Variants in RBFOX1 observed in about 807,000 individuals in gnomAD.
RBFOX1 encodes RNA binding fox-1 homolog 1.
In RBFOX1, 8 loss-of-function variants were observed where a neutral mutation model predicts 57.7. The ratio of observed to expected loss-of-function variants is 0.14; its 90% CI spans 0.08 to 0.25. The LOEUF is 0.25. RBFOX1 is among the 10% of genes least tolerant of loss of function. The pLI is 1.00. For synonymous variants in RBFOX1, 326 were observed against 222.4 expected (o/e 1.47, Z -4.15); for missense variants, 611 against 548.5 (o/e 1.11, Z -1.14).
intron 3 of RBFOX1, among the ~76,000 whole-genome samples, chr16:6,835,447 C>T (rs554017009): frequency 4.6e-5 from 7 of 152,138 alleles, no homozygotes; most frequent in African/African-American, 1.7e-4. Context: ...AGTGCCTTAA[C>T]ACAATTTAAG....
chr16:6,695,445 AAGGGAAAG>A lies in RBFOX1; in HGVS notation c.-16+40796_-16+40803del, dbSNP rs1486228709. On this transcript the variant is annotated intron_variant, in intron 3 of 15. Coordinates refer to ENST00000550418, the MANE Select transcript of RBFOX1 (RefSeq NM_018723.4). Reference sequence around the variant, plus strand: ...AAAAAAAAAAAAAAAAAAGGAAAGGAAGGGAAAGGAAAGGAAAAGAAAATGACATAATT... The same window carrying A: ...AAAAAAAAAAAAAAAAAAGGAAAGGAGAAAGGAAAAGAAAATGACATAATT... 5.1e-4 allele frequency among the ~76,000 whole-genome samples: 35 copies of A among 68,794 alleles called. 1 individual carries two copies. The highest frequency in any genetic ancestry group is 7.7e-4 in the Non-Finnish European group (22 of 28,576). 45.1% of individuals were successfully genotyped at this position (68,794 alleles called of 152,430 possible). A position where few individuals can be genotyped will look rare whatever the true frequency, so the allele number is the denominator to read the frequency against.
At chr16:6,885,973 C>A (rs2063923879) in intron 3 of RBFOX1, among the ~76,000 whole-genome samples, 1 of 152,080 alleles carries the variant, frequency 6.6e-6, no homozygotes, top group African/African-American at 2.4e-5. Flanking sequence ...TCAAGAATCA[C>A]AAACCACATG....
chr16:6,965,722 CAA>C (rs2083991720), intron 3 of RBFOX1, among the ~76,000 whole-genome samples: 3 of 152,152 alleles, frequency 2.0e-5, no homozygotes, highest in Non-Finnish European at 4.4e-5. Flanking sequence ...TGATTGGCTC[CAA>C]ATGGGAATGA....
At chr16:6,841,905 G>T (rs954676637) in intron 3 of RBFOX1, among the ~76,000 whole-genome samples, 1 of 151,956 alleles carries the variant, frequency 6.6e-6, no homozygotes, top group Non-Finnish European at 1.5e-5. Flanking sequence ...TTGGGAGGTC[G>T]AGGCGGGTGG....
At chr16:5,511,474 A>C (rs1351167915) in intron 2 of RBFOX1, among the ~76,000 whole-genome samples, 2 of 152,244 alleles carry the variant, frequency 1.3e-5, no homozygotes, top group East Asian at 3.9e-4. Flanking sequence ...GCTATTGTTT[A>C]TTCAACACCA....
intron 3 of RBFOX1, among the ~76,000 whole-genome samples, chr16:5,608,732 A>G (rs988277731): frequency 6.6e-6 from 1 of 152,184 alleles, no homozygotes; most frequent in African/African-American, 2.4e-5. Context: ...TGTGAGATAC[A>G]CTGCTTAACT....
intron 1 of RBFOX1, among the ~76,000 whole-genome samples, chr16:5,307,506 C>A (rs1469563072): frequency 3.9e-5 from 6 of 152,268 alleles, no homozygotes; most frequent in Middle Eastern, 6.8e-3. Context: ...CCTTATGCCA[C>A]TATTTTCTGA....
chr16:5,501,451 G>A (rs544799758), intron 2 of RBFOX1, among the ~76,000 whole-genome samples: 1 of 152,262 alleles, frequency 6.6e-6, no homozygotes, highest in South Asian at 2.1e-4. Flanking sequence ...CTAGTGGAAG[G>A]GTTGGTGAGG....
At chr16:6,337,318 C>T (rs2083903107) in intron 2 of RBFOX1, among the ~76,000 whole-genome samples, 1 of 152,072 alleles carries the variant, frequency 6.6e-6, no homozygotes, top group Non-Finnish European at 1.5e-5. Flanking sequence ...TTGTGCCGTC[C>T]CAACAGGGAT....
chr16:5,977,163 T>G (rs2060080689), intron 4 of RBFOX1, among the ~76,000 whole-genome samples: 1 of 152,282 alleles, frequency 6.6e-6, no homozygotes, highest in South Asian at 2.1e-4. Context: ...CCCATCTCTG[T>G]AGCTATATTG....
intron 1 of RBFOX1, among the ~76,000 whole-genome samples, chr16:6,071,281 A>G (rs1469905931): frequency 6.6e-6 from 1 of 152,164 alleles, no homozygotes; most frequent in Non-Finnish European, 1.5e-5. Flanking sequence ...AGATTGCACC[A>G]TTGCACTCCA....
At chr16:7,693,891 C>CTATT (rs2077982261) in intron 14 of RBFOX1, among the ~76,000 whole-genome samples, 1 of 152,306 alleles carries the variant, frequency 6.6e-6, no homozygotes, top group East Asian at 1.9e-4. Context: ...CAAAGATCCT[C>CTATT]TATTTCCTTT....
chr16:7,410,501 G>C (rs2098413155), intron 4 of RBFOX1, among the ~76,000 whole-genome samples: 2 of 152,170 alleles, frequency 1.3e-5, no homozygotes, highest in South Asian at 4.1e-4. Flanking sequence ...GACCAACATG[G>C]AGAAACCCGG....
chr16:7,356,672 C>A (rs1485213327), intron 4 of RBFOX1, among the ~76,000 whole-genome samples: 4 of 152,180 alleles, frequency 2.6e-5, no homozygotes, highest in Non-Finnish European at 5.9e-5. Context: ...ACGTTAAGGG[C>A]ATTTGAAGTT....
chr16:5,763,926 A>ATAT (rs1259472230), intron 3 of RBFOX1, among the ~76,000 whole-genome samples: 1 of 152,084 alleles, frequency 6.6e-6, no homozygotes, highest in Non-Finnish European at 1.5e-5. Context: ...CCCTGGCATT[A>ATAT]TATTATTTCT....
At chr16:6,992,854 A>AAAAAAG (rs1555729385) in intron 3 of RBFOX1, among the ~76,000 whole-genome samples, 2 of 151,560 alleles carry the variant, frequency 1.3e-5, no homozygotes, top group Admixed American at 6.6e-5. Context: ...AAAAAAAAAA[A>AAAAAAG]GATTTGTGAT....
intron 3 of RBFOX1, among the ~76,000 whole-genome samples, chr16:6,687,780 A>C (rs762041941): frequency 6.6e-6 from 1 of 152,138 alleles, no homozygotes; most frequent in Non-Finnish European, 1.5e-5. Flanking sequence ...TGGTCACATG[A>C]CACTCCTCTT....
intron 3 of RBFOX1, among the ~76,000 whole-genome samples, chr16:6,656,148 A>G (rs1449124146): frequency 1.3e-5 from 2 of 152,142 alleles, no homozygotes; most frequent in African/African-American, 4.8e-5. Context: ...GCTTAGGTGA[A>G]GCGTGTGTCC....
intron 3 of RBFOX1, among the ~76,000 whole-genome samples, chr16:5,743,776 T>C (rs1308543306): frequency 1.3e-5 from 2 of 152,132 alleles, no homozygotes; most frequent in African/African-American, 4.8e-5. Flanking sequence ...CTCCTGGCCC[T>C]AAGTAATCCT....
Sources: allele counts gnomAD v4.1 joint callset (sites outside exome capture counted in the v4.1 genomes callset), GRCh38; gene constraint gnomAD v4.1.1; transcripts MANE v1.5; gene names NCBI Gene and HGNC (gene_info 2026-07-23, HGNC 2026-07-21).